FHIT: variants seen among roughly 807,000 people sequenced by gnomAD.
FHIT encodes the protein fragile histidine triad diadenosine triphosphatase.
In FHIT, 19 loss-of-function variants were observed where a neutral mutation model predicts 17.9. The ratio of observed to expected loss-of-function variants is 1.06; its 90% CI spans 0.74 to 1.56. The LOEUF (loss-of-function observed/expected upper bound fraction) is 1.56. Among genes scored for constraint, FHIT ranks in the 40% most tolerant of loss-of-function variants. The pLI, the probability that FHIT is intolerant of heterozygous loss-of-function variation, is 0.00. For synonymous variants in FHIT, 81 were observed against 69.7 expected (o/e 1.16, Z -0.81); for missense variants, 248 against 189.2 (o/e 1.31, Z -1.82).
intron 5 of FHIT, among the ~76,000 whole-genome samples, chr3:60,322,107 G>T (rs1055867249): frequency 6.6e-6 from 1 of 152,088 alleles, no homozygotes; most frequent in East Asian, 1.9e-4. Flanking sequence ...ATTTGTCCAG[G>T]TACAGCCCAT....
chr3:59,877,966 T>C (rs1167648058), intron 8 of FHIT, among the ~76,000 whole-genome samples: 2 of 152,186 alleles, frequency 1.3e-5, no homozygotes, highest in African/African-American at 2.4e-5. Flanking sequence ...GTCAAAAACA[T>C]AGTTTTCACC....
chr3:61,156,671 A>T (rs1308759386), intron 2 of FHIT, among the ~76,000 whole-genome samples: 2 of 152,196 alleles, frequency 1.3e-5, no homozygotes, highest in East Asian at 1.9e-4. Flanking sequence ...ACACTCATTC[A>T]TTCACCAAAT....
At chr3:60,201,653 TC>T (rs1211745178) in intron 5 of FHIT, among the ~76,000 whole-genome samples, 2 of 152,174 alleles carry the variant, frequency 1.3e-5, no homozygotes, top group Non-Finnish European at 2.9e-5. Flanking sequence ...GTACTGAAGT[TC>T]ATGGCCTACA....
intron 5 of FHIT, among the ~76,000 whole-genome samples, chr3:60,328,041 G>C (rs910890738): frequency 1.3e-5 from 2 of 152,120 alleles, no homozygotes; most frequent in African/African-American, 4.8e-5. Flanking sequence ...ACTCAATCAG[G>C]GAAGAAGCAA....
chr3:60,323,061 C>A (rs1559818947), intron 5 of FHIT, among the ~76,000 whole-genome samples: 1 of 152,066 alleles, frequency 6.6e-6, no homozygotes, highest in Non-Finnish European at 1.5e-5. Flanking sequence ...ATTCTCCCCA[C>A]CCTTTCTCCT....
intron 5 of FHIT, among the ~76,000 whole-genome samples, chr3:60,116,094 C>A (rs7634619): frequency 6.6e-6 from 1 of 151,796 alleles, no homozygotes; most frequent in Admixed American, 6.6e-5. Flanking sequence ...AATCTGTTAG[C>A]GTTAACTATA....
At chr3:60,851,874 G>A (rs782636942) in intron 3 of FHIT, among the ~76,000 whole-genome samples, 1 of 151,890 alleles carries the variant, frequency 6.6e-6, no homozygotes, top group Non-Finnish European at 1.5e-5. Context: ...CATATTTTTT[G>A]AAAGTAGCCT....
At chr3:60,771,247 A>C (rs1700029900) in intron 4 of FHIT, among the ~76,000 whole-genome samples, 1 of 152,252 alleles carries the variant, frequency 6.6e-6, no homozygotes, top group Non-Finnish European at 1.5e-5. Context: ...ACTTGGAAGC[A>C]CATCCCTGGA....
intron 4 of FHIT, among the ~76,000 whole-genome samples, chr3:60,563,486 A>G (rs1164893614): frequency 6.6e-6 from 1 of 152,232 alleles, no homozygotes; most frequent in Non-Finnish European, 1.5e-5. Context: ...AAGCTTAGTA[A>G]AGAAGGCATG....
intron 2 of FHIT, among the ~76,000 whole-genome samples, chr3:61,114,544 A>T (rs903092181): frequency 1.3e-5 from 2 of 152,128 alleles, no homozygotes; most frequent in Non-Finnish European, 2.9e-5. Flanking sequence ...AGTGCTTGGC[A>T]TAGAATCTGG....
chr3:60,156,705 T>C (rs370057011), intron 5 of FHIT, among the ~76,000 whole-genome samples: 18 of 152,166 alleles, frequency 1.2e-4, no homozygotes, highest in African/African-American at 2.9e-4. Context: ...TGAGCCATGA[T>C]TGCACCACTG....
intron 3 of FHIT, among the ~76,000 whole-genome samples, chr3:60,845,320 A>T (rs2106884636): frequency 6.6e-6 from 1 of 151,736 alleles, no homozygotes; most frequent in Admixed American, 6.6e-5. Context: ...GAGTAAACTA[A>T]AAACAAACAA....
chr3:60,800,830 G>A (rs1418398721), intron 4 of FHIT, among the ~76,000 whole-genome samples: 1 of 152,148 alleles, frequency 6.6e-6, no homozygotes, highest in Admixed American at 6.5e-5. Flanking sequence ...GTTAGTCCTT[G>A]GCTGTGGACT....
At chr3:61,138,875 G>C (rs754456034) in intron 2 of FHIT, among the ~76,000 whole-genome samples, 4 of 152,058 alleles carry the variant, frequency 2.6e-5, no homozygotes, top group Non-Finnish European at 5.9e-5. Flanking sequence ...TTAACCATTT[G>C]ACTTCAAAAT....
intron 7 of FHIT, among the ~76,000 whole-genome samples, chr3:59,952,375 C>A (rs1707161565): frequency 6.6e-6 from 1 of 152,158 alleles, no homozygotes; most frequent in Non-Finnish European, 1.5e-5. Context: ...TGGAGACCCT[C>A]GGGACATGCA....
intron 5 of FHIT, among the ~76,000 whole-genome samples, chr3:60,402,430 G>A (rs1430856767): frequency 6.6e-6 from 1 of 152,056 alleles, no homozygotes; most frequent in Non-Finnish European, 1.5e-5. Context: ...ATCAACTCCA[G>A]GTATAGTTAT....
chr3:61,086,753 A>G (rs2035318323), intron 2 of FHIT, among the ~76,000 whole-genome samples: 1 of 152,086 alleles, frequency 6.6e-6, no homozygotes, highest in Non-Finnish European at 1.5e-5. Context: ...TAGCTACCCT[A>G]TCATTACCAG....
intron 2 of FHIT, among the ~76,000 whole-genome samples, chr3:61,098,036 C>T (rs924674606): frequency 6.6e-6 from 1 of 152,078 alleles, no homozygotes; most frequent in African/African-American, 2.4e-5. Context: ...TTCCTATGTC[C>T]TTAATGGTAT....
intron 5 of FHIT, among the ~76,000 whole-genome samples, chr3:60,188,589 G>T (rs996828380): frequency 6.6e-6 from 1 of 152,038 alleles, no homozygotes; most frequent in Non-Finnish European, 1.5e-5. Context: ...GTTAAGGAGT[G>T]CCTTCATTTC....
Sources: allele counts gnomAD v4.1 joint callset (sites outside exome capture counted in the v4.1 genomes callset), GRCh38; gene constraint gnomAD v4.1.1; transcripts MANE v1.5; gene names NCBI Gene and HGNC (gene_info 2026-07-23, HGNC 2026-07-21).